The following GFRAL variants were observed in gnomAD, a reference collection of about 807,000 sequenced individuals.
The protein encoded by GFRAL is GDNF family receptor alpha-like.
GFRAL carries 36 observed loss-of-function variants against 45.4 expected under a neutral mutation model. That is an observed-to-expected ratio of 0.79 (90% confidence interval 0.61 to 1.05). The LOEUF is 1.05. Among genes scored for constraint, GFRAL ranks in the 50% least tolerant of loss-of-function variants. The probability of loss-of-function intolerance (pLI) is 0.00; values close to 1 mark genes in which losing one functional copy is unlikely to be tolerated. For missense variants in GFRAL, 507 were observed against 467.5 expected (o/e 1.08, Z -0.78); for synonymous variants, 166 against 154.1 (o/e 1.08, Z -0.57).
Position 55,359,144 on chromosome 6 carries a change from T to A in GFRAL, c.952+6T>A. On this transcript the variant is annotated splice_donor_region_variant and intron_variant, in intron 6 of 8. Transcript: ENST00000340465. The stretch of plus-strand genomic sequence containing the variant: ...TCATAGAAAATCATGTTTCAGTAAG[T>A]TCCCCAAATAAAATTATCTGTCTAT... 1.9e-6 allele frequency: 3 copies of A among 1,557,604 alleles called. No individual in the cohort carries two copies. The highest frequency in any genetic ancestry group is 2.6e-6 in the Non-Finnish European group (3 of 1,141,884).
At position 55,399,190 on chromosome 6, in the gene GFRAL, C is replaced by T. The variant is rs146209371; in HGVS notation, c.963C>T (p.Thr321=). Residue 321 remains threonine (T), a synonymous_variant, in exon 7 of 9, where the codon ACC becomes ACT. Transcript: ENST00000340465. ...LHRKSCFNYP[T]LSNVKGMALY... ...ATGATTTTCTTTCAGATTATCCAAC[C>T]CTGTCTAATGTCAAAGGCATGGCAT... 6.4e-7 allele frequency: 1 copy of T among 1,568,436 alleles called. No homozygotes were observed. Among genetic ancestry groups the T allele is most frequent in the Non-Finnish European group, 8.7e-7 (1 of 1,149,400 alleles).
At chr6:55,341,761 G>A (rs770852502) in intron 3 of GFRAL, among the ~76,000 whole-genome samples, 54 of 152,236 alleles carry the variant, frequency 3.5e-4, no homozygotes, top group Non-Finnish European at 6.3e-4. Context: ...TTGAAAAGAA[G>A]CTAAAAACCT....
intron 1 of GFRAL, among the ~76,000 whole-genome samples, chr6:55,330,071 G>C (rs1487491753): frequency 6.6e-6 from 1 of 151,986 alleles, no homozygotes; most frequent in Non-Finnish European, 1.5e-5. Flanking sequence ...CACTTCATAT[G>C]TTTGCAGAAT....
chr6:55,400,934 A>C lies in GFRAL; in HGVS notation c.1122-856A>C, dbSNP rs531282537. Among the ~76,000 whole-genome samples the C allele has an allele frequency of 6.4e-4, 97 of 152,260 alleles. 2 individuals carry two copies. The South Asian group carries it at 0.015, about 23-fold the overall frequency. On this transcript the variant is annotated intron_variant, in intron 8 of 8. Coordinates refer to ENST00000340465, the MANE Select transcript of GFRAL (RefSeq NM_207410.2). ...TAATGGTTCTCAATCTTTACTTCTT[A>C]ACTACATACAGAATGTATAAAATTT...
intron 6 of GFRAL, among the ~76,000 whole-genome samples, chr6:55,380,059 T>G (rs13207386): frequency 0.28 from 43,221 of 151,938 alleles, 7,223 homozygotes; most frequent in Middle Eastern, 0.45. Context: ...ATATCTTGGC[T>G]GTTGTGAACA....
intron 6 of GFRAL, among the ~76,000 whole-genome samples, chr6:55,359,748 G>C (rs9475261): frequency 0.11 from 17,114 of 151,986 alleles, 1,054 homozygotes; most frequent in African/African-American, 0.16. Context: ...AGTTCCTAAT[G>C]GCTAAACCCC....
Position 55,336,906 on chromosome 6 carries a change from C to A in GFRAL, c.316+2962C>A, listed in dbSNP as rs1033188891. On this transcript the variant is annotated intron_variant, in intron 3 of 8. Coordinates refer to ENST00000340465, the MANE Select transcript of GFRAL (RefSeq NM_207410.2). ...GAAATTCCTTATTTTTGGTTTTCTT[C>A]GTTTTTAAAATCATAAATGTATAAA... is the stretch of plus-strand genomic sequence containing the variant. 7.9e-5 allele frequency among the ~76,000 whole-genome samples: 12 copies of A among 152,108 alleles called. No individual in the cohort carries two copies. In the South Asian group the frequency reaches 2.5e-3, roughly 32 times the overall value.
intron 6 of GFRAL, among the ~76,000 whole-genome samples, chr6:55,390,902 AC>A (rs1458489398): frequency 5.3e-5 from 8 of 149,986 alleles, no homozygotes; most frequent in African/African-American, 2.0e-4. Flanking sequence ...ACATACACAC[AC>A]ACACACACAC....
At chr6:55,342,081 C>G (rs1767974151) in intron 3 of GFRAL, among the ~76,000 whole-genome samples, 1 of 152,134 alleles carries the variant, frequency 6.6e-6, no homozygotes, top group Admixed American at 6.5e-5. Context: ...GAAAATGGAA[C>G]CAAGTTGGAA....
At chr6:55,329,570 A>G (rs113375999) in intron 1 of GFRAL, among the ~76,000 whole-genome samples, 3,059 of 152,214 alleles carry the variant, frequency 0.02, 106 homozygotes, top group African/African-American at 0.069. Flanking sequence ...GATTTGACCA[A>G]GTAAATTTGT....
At chr6:55,345,014 A>G (rs1435338549) in intron 3 of GFRAL, among the ~76,000 whole-genome samples, 3 of 152,244 alleles carry the variant, frequency 2.0e-5, no homozygotes, top group Non-Finnish European at 2.9e-5. Flanking sequence ...AAGGAGGACT[A>G]CAAACCACTG....
intron 1 of GFRAL, 82 bp from the exon 2 acceptor site, chr6:55,331,633 T>C: frequency 1.6e-6 from 2 of 1,287,112 alleles, no homozygotes; most frequent in Non-Finnish European, 2.2e-6. Context: ...ATAATTCTGC[T>C]CTTTATCATT....
chr6:55,390,293 T>C (rs961463625), intron 6 of GFRAL, among the ~76,000 whole-genome samples: 2 of 152,230 alleles, frequency 1.3e-5, no homozygotes, highest in African/African-American at 4.8e-5. Context: ...AATTAGCTTT[T>C]GCTATGTTAT....
chr6:55,340,189 C>G (rs79947126), intron 3 of GFRAL, among the ~76,000 whole-genome samples: 3,508 of 151,922 alleles, frequency 0.023, 107 homozygotes, highest in South Asian at 0.073. Context: ...TAAATCTTAC[C>G]ATTCCTTCTA....
At chr6:55,330,284 T>C (rs1392182078) in intron 1 of GFRAL, among the ~76,000 whole-genome samples, 1 of 152,128 alleles carries the variant, frequency 6.6e-6, no homozygotes, top group African/African-American at 2.4e-5. Context: ...ATTTATTGAA[T>C]ACCTATACTG....
Position 55,350,070 on chromosome 6 carries a change from A to G in GFRAL, c.317-22A>G, listed in dbSNP as rs201714546. 19 of 1,396,114 alleles carry G rather than the reference A, an allele frequency of 1.4e-5. No individual in the cohort carries two copies. In the Admixed American group the frequency reaches 3.2e-4, roughly 24 times the overall value. The allele number at this position is 1,396,114 out of a possible 1,614,324, so 86.5% of individuals were successfully genotyped here. A position where few individuals can be genotyped will look rare whatever the true frequency, so the allele number is the denominator to read the frequency against. Reference sequence around the variant, plus strand: ...TCAGAAAATTGTTCAATAATGAAATAATTTCTTTGTTTTCCTTCTAGATAA... The same window carrying G: ...TCAGAAAATTGTTCAATAATGAAATGATTTCTTTGTTTTCCTTCTAGATAA... On this transcript the variant is annotated intron_variant, in intron 3 of 8. Transcript: ENST00000340465.
chr6:55,378,722 A>G (rs915315012), intron 6 of GFRAL, among the ~76,000 whole-genome samples: 3 of 151,562 alleles, frequency 2.0e-5, no homozygotes, highest in Non-Finnish European at 4.4e-5. Flanking sequence ...TGACCAAGCA[A>G]TTTACCACTG....
chr6:55,360,645 G>T (rs930702126), intron 6 of GFRAL, among the ~76,000 whole-genome samples: 1 of 151,828 alleles, frequency 6.6e-6, no homozygotes, highest in Non-Finnish European at 1.5e-5. Context: ...CTGAAATCAC[G>T]ATACAGAGAA....
intron 6 of GFRAL, among the ~76,000 whole-genome samples, chr6:55,367,743 T>C (rs1768385227): frequency 6.6e-6 from 1 of 151,496 alleles, no homozygotes; most frequent in Non-Finnish European, 1.5e-5. Context: ...TGAAAATTCT[T>C]TTCTTTAAGA....
Sources: gnomAD v4.1 joint callset for allele counts (sites outside exome capture counted in the v4.1 genomes callset) on GRCh38, gnomAD v4.1.1 for gene constraint, MANE v1.5 for transcripts, NCBI Gene and HGNC (gene_info 2026-07-23, HGNC 2026-07-21) for gene names.